Variants in FAM168B observed in about 807,000 individuals in gnomAD.
The protein encoded by FAM168B is myelin-associated neurite-outgrowth inhibitor.
In FAM168B, 19 loss-of-function variants were observed where a neutral mutation model predicts 21.8. That is an observed-to-expected ratio of 0.87 (90% CI 0.61 to 1.28). FAM168B has a LOEUF of 1.28. Ranked by LOEUF, FAM168B falls within the 50% of genes most tolerant of loss-of-function variation. FAM168B has a pLI of 0.00. For synonymous variants in FAM168B, 126 were observed against 104.8 expected (o/e 1.20, Z -1.24); for missense variants, 233 against 263.1 (o/e 0.89, Z 0.79).
chr2:131,092,086 G>C (rs1458931310), intron 1 of FAM168B, among the ~76,000 whole-genome samples: 4 of 151,594 alleles, frequency 2.6e-5, no homozygotes, highest in African/African-American at 9.7e-5. Context: ...GGAGCTTGCA[G>C]TGAGCCGAGA....
At chr2:131,081,062 T>C (rs1693410083) in intron 2 of FAM168B, among the ~76,000 whole-genome samples, 1 of 152,190 alleles carries the variant, frequency 6.6e-6, no homozygotes, top group Non-Finnish European at 1.5e-5. Flanking sequence ...CCTTTCCTTA[T>C]GTTGCATTCT....
At chr2:131,065,500 AAAGAAACGCC>A (rs1256578467) in intron 3 of FAM168B, among the ~76,000 whole-genome samples, 1 of 152,158 alleles carries the variant, frequency 6.6e-6, no homozygotes, top group Non-Finnish European at 1.5e-5. Flanking sequence ...TTCAAAAAGA[AAAGAAACGCC>A]GGGCATGGGG....
chr2:131,059,356 G>A (rs551533896), intron 3 of FAM168B, among the ~76,000 whole-genome samples: 3 of 152,244 alleles, frequency 2.0e-5, no homozygotes, highest in Admixed American at 6.5e-5. Flanking sequence ...GGACGTCAAG[G>A]GTCATCTTGG....
intron 1 of FAM168B, among the ~76,000 whole-genome samples, chr2:131,090,149 T>TAA (rs1395726917): frequency 3.1e-4 from 4 of 12,858 alleles, no homozygotes; most frequent in South Asian, 2.3e-3. Flanking sequence ...CTACCAAAAA[T>TAA]ACAAAAAAAA....
chr2:131,065,595 G>T (rs745897753), intron 3 of FAM168B, among the ~76,000 whole-genome samples: 7 of 151,988 alleles, frequency 4.6e-5, no homozygotes, highest in Non-Finnish European at 1.0e-4. Flanking sequence ...TTCAAGACCA[G>T]CCTGACACAC....
intron 1 of FAM168B, among the ~76,000 whole-genome samples, chr2:131,084,682 C>G (rs1573818028): frequency 6.6e-6 from 1 of 152,160 alleles, no homozygotes; most frequent in Admixed American, 6.5e-5. Flanking sequence ...AACAGAAGTA[C>G]TGTTGGGAAC....
At chr2:131,080,688 G>A (rs1197977558) in intron 2 of FAM168B, among the ~76,000 whole-genome samples, 1 of 144,352 alleles carries the variant, frequency 6.9e-6, no homozygotes, top group African/African-American at 2.6e-5. Context: ...TTTTTTTTTT[G>A]AGACAGAGTC....
intron 2 of FAM168B, among the ~76,000 whole-genome samples, chr2:131,076,317 T>A (rs1573799128): frequency 6.6e-6 from 1 of 152,110 alleles, no homozygotes; most frequent in Middle Eastern, 3.4e-3. Flanking sequence ...AAGGCCAGAC[T>A]CCCTACATCA....
intron 2 of FAM168B, among the ~76,000 whole-genome samples, chr2:131,075,040 C>G (rs1693066147): frequency 6.6e-6 from 1 of 152,130 alleles, no homozygotes; most frequent in Admixed American, 6.6e-5. Flanking sequence ...GACTCTCACC[C>G]TCCCGTTTGC....
intron 2 of FAM168B, among the ~76,000 whole-genome samples, chr2:131,081,648 G>A (rs1267581907): frequency 6.6e-6 from 1 of 152,138 alleles, no homozygotes; most frequent in Non-Finnish European, 1.5e-5. Flanking sequence ...AGAGGGACGA[G>A]AATGACTGAT....
intron 2 of FAM168B, among the ~76,000 whole-genome samples, chr2:131,073,361 G>A (rs1440732032): frequency 6.6e-6 from 1 of 152,112 alleles, no homozygotes; most frequent in Non-Finnish European, 1.5e-5. Context: ...CCAAAGTGCG[G>A]GTATTACCGG....
chr2:131,057,390 A>C (rs1692078942), intron 3 of FAM168B, among the ~76,000 whole-genome samples: 1 of 152,224 alleles, frequency 6.6e-6, no homozygotes. Context: ...AGCTTTCCAA[A>C]GAAGCTGGAA....
At chr2:131,081,183 T>TCC (rs1573810105) in intron 2 of FAM168B, among the ~76,000 whole-genome samples, 1 of 152,252 alleles carries the variant, frequency 6.6e-6, no homozygotes, top group African/African-American at 2.4e-5. Flanking sequence ...AGCATCTTGT[T>TCC]CCCCTCTTAT....
chr2:131,078,912 A>G lies in FAM168B; in HGVS notation c.70+3665T>C, dbSNP rs905792081. 3.3e-5 allele frequency among the ~76,000 whole-genome samples: 5 copies of G among 151,004 alleles called. No homozygotes were observed. The South Asian group carries it at 8.4e-4, about 25-fold the overall frequency. On this transcript the variant is annotated intron_variant, in intron 2 of 6. Transcript: ENST00000389915. ...GAGGCAGGAGGATCCCTTGAGTCCA[A>G]GGAGTTTGAGGCTGCAGTGAGCCGT... is the stretch of plus-strand genomic sequence containing the variant.
chr2:131,079,270 C>G (rs1015594753), intron 2 of FAM168B, among the ~76,000 whole-genome samples: 1 of 152,046 alleles, frequency 6.6e-6, no homozygotes, highest in Non-Finnish European at 1.5e-5. Context: ...GAGTTTAAGA[C>G]CAGCCTGGCC....
At chr2:131,065,171 C>A (rs1342561288) in intron 3 of FAM168B, among the ~76,000 whole-genome samples, 2 of 152,146 alleles carry the variant, frequency 1.3e-5, no homozygotes, top group Non-Finnish European at 2.9e-5. Flanking sequence ...ACAGCAGAAA[C>A]ATGTCATGTG....
intron 1 of FAM168B, among the ~76,000 whole-genome samples, chr2:131,083,754 T>G (rs1481893246): frequency 6.6e-6 from 1 of 152,156 alleles, no homozygotes; most frequent in Admixed American, 6.6e-5. Context: ...AACACCTATG[T>G]GTATAAAAAT....
intron 1 of FAM168B, among the ~76,000 whole-genome samples, chr2:131,086,004 T>C (rs1693676984): frequency 6.6e-6 from 1 of 152,022 alleles, no homozygotes; most frequent in African/African-American, 2.4e-5. Flanking sequence ...AGGCCTACAG[T>C]TCAGAGTAGG....
chr2:131,071,261 C>T (rs1692856393), intron 3 of FAM168B, among the ~76,000 whole-genome samples: 1 of 152,088 alleles, frequency 6.6e-6, no homozygotes. Flanking sequence ...GAGTGTGCAC[C>T]ACCACTGCTG....
Sources: gnomAD v4.1 joint callset for allele counts (sites outside exome capture counted in the v4.1 genomes callset) on GRCh38, gnomAD v4.1.1 for gene constraint, MANE v1.5 for transcripts, NCBI Gene and HGNC (gene_info 2026-07-23, HGNC 2026-07-21) for gene names.